Variants in MFHAS1 observed in about 807,000 individuals in gnomAD.
The protein encoded by MFHAS1 is malignant fibrous histiocytoma-amplified sequence 1.
MFHAS1 carries 50 observed loss-of-function variants against 70.4 expected under a neutral mutation model. The observed-to-expected ratio is 0.71, with a 90% confidence interval of 0.57 to 0.90. MFHAS1 has a LOEUF of 0.90. Ranked by LOEUF, MFHAS1 falls within the 40% of genes least tolerant of loss-of-function variation. The pLI, the probability that MFHAS1 is intolerant of heterozygous loss-of-function variation, is 0.00. For missense variants in MFHAS1, 1,795 were observed against 1,347.6 expected (o/e 1.33, Z -5.20); for synonymous variants, 952 against 620.0 (o/e 1.54, Z -7.96).
At chr8:8,855,387 T>G (rs1808399850) in intron 1 of MFHAS1, among the ~76,000 whole-genome samples, 1 of 152,192 alleles carries the variant, frequency 6.6e-6, no homozygotes, top group South Asian at 2.1e-4. Context: ...AATCATACAA[T>G]GGAGGATTGG....
intron 1 of MFHAS1, among the ~76,000 whole-genome samples, chr8:8,880,705 G>C (rs1216985117): frequency 1.3e-5 from 2 of 148,450 alleles, no homozygotes; most frequent in Non-Finnish European, 3.0e-5. Context: ...TTTTCCCCCA[G>C]ATGGAGTCTT....
intron 1 of MFHAS1, among the ~76,000 whole-genome samples, chr8:8,854,419 G>A (rs1186731135): frequency 1.3e-5 from 2 of 152,138 alleles, no homozygotes; most frequent in South Asian, 2.1e-4. Flanking sequence ...TACTCCGGAG[G>A]CTGAGGCAGG....
At chr8:8,852,519 G>A (rs1408711987) in intron 1 of MFHAS1, among the ~76,000 whole-genome samples, 1 of 151,876 alleles carries the variant, frequency 6.6e-6, no homozygotes, top group East Asian at 1.9e-4. Flanking sequence ...ACACCCACAA[G>A]AGGGTTTAGA....
intron 1 of MFHAS1, among the ~76,000 whole-genome samples, chr8:8,859,329 G>C (rs951052623): frequency 1.3e-5 from 2 of 152,100 alleles, no homozygotes; most frequent in Non-Finnish European, 2.9e-5. Context: ...GGGTGACAGA[G>C]CAAGACTCTG....
chr8:8,892,280 T>C lies in MFHAS1; in HGVS notation c.779A>G (p.Asn260Ser). Residue 260 changes from asparagine to serine, a missense_variant, in exon 1 of 3, where the codon AAC becomes AGC. By Grantham distance (46) the Asn-to-Ser change is conservative. Coordinates refer to ENST00000276282, the MANE Select transcript of MFHAS1 (RefSeq NM_004225.3). The surrounding 1 kb of genome is among the most constrained non-coding windows in gnomAD (Gnocchi z 4.7). ...ASLESLMLDNNGLQALPAQFS... is the reference protein window; with the variant it reads ...ASLESLMLDNSGLQALPAQFS... ...CTGGGCGGGCAGAGCCTGCAGCCCG[T>C]TGTTGTCTAGCATGAGGCTCTCCAA... The C allele has an allele frequency of 6.2e-7, 1 of 1,612,572 alleles. No individual in the cohort carries two copies. Among genetic ancestry groups the C allele is most frequent in the Non-Finnish European group, 8.5e-7 (1 of 1,180,022 alleles).
chr8:8,893,132 C>T lies in MFHAS1; in HGVS notation c.-74G>A. Reference sequence around the variant, plus strand: ...TACATGCCGCGCCGCGCCCCGGGCCCTCCGGCTCCTGCCCCTGCCTGCCCT... The same window carrying T: ...TACATGCCGCGCCGCGCCCCGGGCCTTCCGGCTCCTGCCCCTGCCTGCCCT... On this transcript the variant is annotated 5_prime_UTR_variant, in exon 1 of 3. Coordinates refer to ENST00000276282, the MANE Select transcript of MFHAS1 (RefSeq NM_004225.3). 4.5e-6 allele frequency: 5 copies of T among 1,123,200 alleles called. No homozygotes were observed. Among genetic ancestry groups the T allele is most frequent in the Non-Finnish European group, 5.8e-6 (5 of 857,556 alleles). The allele number at this position is 1,123,200 out of a possible 1,614,324, so 69.6% of individuals were successfully genotyped here.
chr8:8,857,087 A>G (rs1563206608), intron 1 of MFHAS1, among the ~76,000 whole-genome samples: 1 of 151,704 alleles, frequency 6.6e-6, no homozygotes, highest in Non-Finnish European at 1.5e-5. Flanking sequence ...CTAGAGAGGC[A>G]CTGCCAAATT....
intron 1 of MFHAS1, among the ~76,000 whole-genome samples, chr8:8,861,676 T>G (rs193145278): frequency 6.6e-6 from 1 of 152,330 alleles, no homozygotes. Flanking sequence ...ACTACAGTCA[T>G]GAGGTAGAAT....
chr8:8,893,177 G>A lies in MFHAS1; in HGVS notation c.-119C>T. ...TGCCCTCCCGCGCTCGGCGGCCGGC[G>A]GCCGCGGGTCCTAGCGCAGCCAGCG... On this transcript the variant is annotated 5_prime_UTR_variant, in exon 1 of 3. Transcript: ENST00000276282. The A allele has an allele frequency of 1.8e-6, 1 of 549,210 alleles. No individual in the cohort carries two copies. The highest frequency in any genetic ancestry group is 2.6e-6 in the Non-Finnish European group (1 of 385,674). The allele number at this position is 549,210 out of a possible 1,614,324, so 34.0% of individuals were successfully genotyped here.
intron 1 of MFHAS1, among the ~76,000 whole-genome samples, chr8:8,839,125 A>G (rs184229167): frequency 9.6e-4 from 146 of 152,280 alleles, no homozygotes; most frequent in Admixed American, 1.6e-3. Flanking sequence ...TCTATTCTGG[A>G]TATTACTTAG....
At chr8:8,789,336 C>G (rs1007251439) in intron 2 of MFHAS1, among the ~76,000 whole-genome samples, 7 of 152,202 alleles carry the variant, frequency 4.6e-5, no homozygotes, top group African/African-American at 1.7e-4. Flanking sequence ...TTACCCAAGA[C>G]AGGTCACAGA....
chr8:8,832,224 C>A (rs1162251906), intron 1 of MFHAS1, among the ~76,000 whole-genome samples: 2 of 151,826 alleles, frequency 1.3e-5, no homozygotes, highest in East Asian at 3.9e-4. Context: ...AAGACTTCGA[C>A]AAATTGAAAT....
At chr8:8,827,574 T>C (rs1807209348) in intron 1 of MFHAS1, among the ~76,000 whole-genome samples, 1 of 152,248 alleles carries the variant, frequency 6.6e-6, no homozygotes, top group Non-Finnish European at 1.5e-5. Flanking sequence ...TATTCCATTT[T>C]TCATTTTTCC....
intron 1 of MFHAS1, among the ~76,000 whole-genome samples, chr8:8,849,320 G>A (rs1313974607): frequency 6.6e-6 from 1 of 151,712 alleles, no homozygotes; most frequent in African/African-American, 2.4e-5. Flanking sequence ...GCCTCAAGTG[G>A]CCTGCCTGCC....
intron 1 of MFHAS1, among the ~76,000 whole-genome samples, chr8:8,861,914 T>C (rs941625035): frequency 1.3e-5 from 2 of 152,234 alleles, no homozygotes; most frequent in African/African-American, 4.8e-5. Context: ...TTCCTTGCTA[T>C]GTCGCATACC....
intron 1 of MFHAS1, chr8:8,822,128 A>G (rs1293017463): frequency 6.6e-6 from 1 of 152,234 alleles, no homozygotes; most frequent in Non-Finnish European, 1.5e-5. Flanking sequence ...CGGGCAGCCA[A>G]TTCCTCTGTG....
chr8:8,809,195 T>C (rs578081373), intron 1 of MFHAS1, among the ~76,000 whole-genome samples: 1 of 152,262 alleles, frequency 6.6e-6, no homozygotes, highest in Admixed American at 6.5e-5. Context: ...GATTCCACAT[T>C]ATAGTGAGTT....
intron 1 of MFHAS1, among the ~76,000 whole-genome samples, chr8:8,839,595 T>C (rs1478329858): frequency 1.3e-5 from 2 of 152,190 alleles, no homozygotes; most frequent in Non-Finnish European, 2.9e-5. Context: ...GCCTTCCTCA[T>C]CTCATAAGCT....
chr8:8,890,541 G>C lies in MFHAS1; in HGVS notation c.2518C>G (p.Pro840Ala), dbSNP rs754643848. The change falls in exon 1 of 3, where the codon CCT becomes GCT. Residue 840 changes from proline (P) to alanine (A), a missense_variant. Transcript: ENST00000276282. ...CYCLNKPKGK[P>A]LNGSTAWYKF... Reference sequence around the variant, plus strand: ...TACCAAGCTGTGGACCCATTCAAAGGCTTGCCCTTGGGTTTATTGAGGCAG... The same window carrying C: ...TACCAAGCTGTGGACCCATTCAAAGCCTTGCCCTTGGGTTTATTGAGGCAG... The C allele has an allele frequency of 1.1e-5, 17 of 1,613,422 alleles. 1 individual carries two copies. In the South Asian group the frequency reaches 1.8e-4, roughly 17 times the overall value.
Sources: allele counts gnomAD v4.1 joint callset (sites outside exome capture counted in the v4.1 genomes callset), GRCh38; gene constraint gnomAD v4.1.1; non-coding constraint Gnocchi (gnomAD v3.1); transcripts MANE v1.5; gene names NCBI Gene and HGNC (gene_info 2026-07-23, HGNC 2026-07-21).